Variants in ABR observed in about 807,000 individuals in gnomAD.
The protein encoded by ABR is active breakpoint cluster region-related protein.
A neutral mutation model predicts 107.2 loss-of-function variants in ABR; 35 were observed. The observed-to-expected ratio is 0.33, with a 90% CI of 0.25 to 0.43. ABR has a LOEUF of 0.43. Ranked by LOEUF, ABR falls within the 20% of genes least tolerant of loss-of-function variation. ABR has a pLI of 1.00. For missense variants in ABR, 815 were observed against 1,115.2 expected (o/e 0.73, Z 3.83); for synonymous variants, 498 against 462.0 (o/e 1.08, Z -1.00).
intron 1 of ABR, among the ~76,000 whole-genome samples, chr17:1,203,573 C>T (rs1021461804): frequency 2.0e-5 from 3 of 152,098 alleles, no homozygotes; most frequent in East Asian, 1.9e-4. Context: ...CTGCCTAGTC[C>T]TCCAGGCGCG....
intron 1 of ABR, among the ~76,000 whole-genome samples, chr17:1,208,075 C>A (rs1223756319): frequency 6.6e-6 from 1 of 152,094 alleles, no homozygotes; most frequent in Admixed American, 6.6e-5. Flanking sequence ...CTGTCCAGAT[C>A]AACCACTTTG....
At chr17:1,012,924 CACA>C (rs1441011212) in intron 17 of ABR, 127 bp from the exon 18 acceptor site, 2 of 1,065,408 alleles carry the variant, frequency 1.9e-6, no homozygotes, top group African/African-American at 3.2e-5. Flanking sequence ...TCTCCCTCAA[CACA>C]ACACCTGCAG....
At chr17:1,083,450 G>C in intron 5 of ABR, 70 bp downstream of exon 5, 1 of 1,130,358 alleles carries the variant, frequency 8.8e-7, no homozygotes, top group Middle Eastern at 2.7e-4. Flanking sequence ...CGAGGGAGGG[G>C]AGACCAAGGG....
chr17:1,165,870 G>T (rs569861998), intron 1 of ABR, among the ~76,000 whole-genome samples: 11 of 152,284 alleles, frequency 7.2e-5, no homozygotes, highest in Middle Eastern at 3.4e-3. Flanking sequence ...AGCCTTGAGG[G>T]TGCCATGGTC....
chr17:1,217,688 CTTAT>C (rs1348519624), intron 1 of ABR, among the ~76,000 whole-genome samples: 4 of 152,088 alleles, frequency 2.6e-5, no homozygotes, highest in African/African-American at 7.2e-5. Context: ...ACAGCGTGCT[CTTAT>C]TTATTTTGTT....
intron 1 of ABR, among the ~76,000 whole-genome samples, chr17:1,164,998 G>A (rs1162091624): frequency 6.6e-6 from 1 of 152,158 alleles, no homozygotes; most frequent in Non-Finnish European, 1.5e-5. Flanking sequence ...ATTTAACGGG[G>A]CATCCTTATT....
Position 1,095,336 on chromosome 17 carries a change from C to T in ABR, c.346-3486G>A, listed in dbSNP as rs370272069. ...AGGACGGGGCCTGCGCTTGGGGCAT[C>T]AGATGGTTCTCATGACACGATGGGG... On this transcript the variant is annotated intron_variant, in intron 3 of 22. Coordinates refer to ENST00000302538, the MANE Select transcript of ABR (RefSeq NM_021962.5). Among the ~76,000 whole-genome samples the T allele has an allele frequency of 3.3e-5, 5 of 152,352 alleles. No individual in the cohort carries two copies. The East Asian group carries it at 7.7e-4, about 23-fold the overall frequency.
chr17:1,025,366 C>T (rs1365338447), intron 16 of ABR, among the ~76,000 whole-genome samples: 1 of 152,204 alleles, frequency 6.6e-6, no homozygotes, highest in Admixed American at 6.5e-5. Flanking sequence ...AATAACAGCA[C>T]CTTGTAAGTG....
At chr17:1,209,741 G>A (rs890247131) in intron 1 of ABR, among the ~76,000 whole-genome samples, 2 of 152,132 alleles carry the variant, frequency 1.3e-5, no homozygotes, top group African/African-American at 4.8e-5. Context: ...TGGTGACGTG[G>A]ACACCCCACA....
intron 16 of ABR, chr17:1,031,902 G>GTCCCTCCTCCCTCC (rs1030292027): frequency 8.7e-6 from 9 of 1,028,650 alleles, no homozygotes; most frequent in Non-Finnish European, 9.5e-6. Flanking sequence ...CTCCGTCCGC[G>GTCCCTCCTCCCTCC]TCCCTCCTCC....
chr17:1,054,557 G>T lies in ABR; in HGVS notation c.1561+1478C>A, dbSNP rs1392828780. Among the ~76,000 whole-genome samples, 80 of 124,888 alleles carry T rather than the reference G, an allele frequency of 6.4e-4. 18 individuals are homozygous for T. Among genetic ancestry groups the T allele is most frequent in the African/African-American group, 2.5e-3 (72 of 28,580 alleles). 81.9% of individuals were successfully genotyped at this position (124,888 alleles called of 152,430 possible). On this transcript the variant is annotated intron_variant, in intron 14 of 22. Transcript: ENST00000302538. ...GCACAAAGAACCTGAGGGGACGGGG[G>T]CACAAAGAACCTGAGGGGATGGGGG...
intron 13 of ABR, among the ~76,000 whole-genome samples, chr17:1,056,603 T>G (rs2033307346): frequency 6.6e-6 from 1 of 151,906 alleles, no homozygotes; most frequent in South Asian, 2.1e-4. Context: ...CCCCCCAGAC[T>G]CCCGGGCTTA....
chr17:1,084,819 T>C lies in ABR; in HGVS notation c.532-1192A>G, dbSNP rs1366584129. ...AAATTTAAACTCCCTGTTTTTGTTT[T>C]TGTTTTGAGATGGAGTTTCGCTCTT... On this transcript the variant is annotated intron_variant, in intron 4 of 22. Coordinates refer to ENST00000302538, the MANE Select transcript of ABR (RefSeq NM_021962.5). This position sits in a 1 kb window ranked among gnomAD's most constrained non-coding sequence, Gnocchi z 4.2. Among the ~76,000 whole-genome samples, 1 of 152,204 alleles carries C rather than the reference T, an allele frequency of 6.6e-6. No homozygotes were observed. The highest frequency in any genetic ancestry group is 2.4e-5 in the African/African-American group (1 of 41,446).
chr17:1,079,175 C>G, intron 6 of ABR, 155 bp downstream of exon 6: 1 of 1,466,520 alleles, frequency 6.8e-7, no homozygotes, highest in Non-Finnish European at 9.0e-7. Flanking sequence ...CACACGCGCA[C>G]TCAGCTCACA....
At position 1,125,198 on chromosome 17, in the gene ABR, C is replaced by T; in HGVS notation, c.231G>A (p.Glu77=). The T allele has an allele frequency of 1.3e-6, 2 of 1,594,340 alleles. No homozygotes were observed. The highest frequency in any genetic ancestry group is 1.7e-6 in the Non-Finnish European group (2 of 1,168,790). The change falls in exon 2 of 23, where the codon GAG becomes GAA. Residue 77 remains glutamate (E), a synonymous_variant. Coordinates refer to ENST00000302538, the MANE Select transcript of ABR (RefSeq NM_021962.5). ...GGDGVSPTPP[E]GLAPGVEAGK... is the part of the protein sequence containing the mutation. Reference sequence around the variant, plus strand: ...GTGTACCTACCCCAGGAGCCAGTCCCTCAGGTGGAGTCGGGGAGACGCCAT... The same window carrying T: ...GTGTACCTACCCCAGGAGCCAGTCCTTCAGGTGGAGTCGGGGAGACGCCAT...
At chr17:1,019,085 G>A (rs1459517620) in intron 16 of ABR, among the ~76,000 whole-genome samples, 3 of 152,160 alleles carry the variant, frequency 2.0e-5, no homozygotes, top group African/African-American at 2.4e-5. Flanking sequence ...GTCCCGACCC[G>A]GTGGGCAGAC....
At chr17:1,044,612 T>C (rs1319269466) in intron 16 of ABR, among the ~76,000 whole-genome samples, 6 of 151,420 alleles carry the variant, frequency 4.0e-5, no homozygotes, top group Non-Finnish European at 7.4e-5. Context: ...GATTGCGCCA[T>C]TGCACTCCAG....
At chr17:1,041,869 G>A (rs2030575082) in intron 16 of ABR, among the ~76,000 whole-genome samples, 1 of 152,172 alleles carries the variant, frequency 6.6e-6, no homozygotes, top group Non-Finnish European at 1.5e-5. Context: ...GGGGAGGAAA[G>A]AGCTGACCCA....
intron 1 of ABR, among the ~76,000 whole-genome samples, chr17:1,127,693 C>G (rs1158315749): frequency 6.6e-6 from 1 of 152,182 alleles, no homozygotes; most frequent in Non-Finnish European, 1.5e-5. Flanking sequence ...AGTTTAGATT[C>G]CAGCCGGCCA....
Sources: gnomAD v4.1 joint callset for allele counts (sites outside exome capture counted in the v4.1 genomes callset) on GRCh38, gnomAD v4.1.1 for gene constraint, Gnocchi (gnomAD v3.1) non-coding constraint, MANE v1.5 for transcripts, NCBI Gene and HGNC (gene_info 2026-07-23, HGNC 2026-07-21) for gene names.